The following PPP1R12A variants were observed in gnomAD, a reference collection of about 807,000 sequenced individuals.
PPP1R12A encodes protein phosphatase 1 regulatory subunit 12A.
A neutral mutation model predicts 139.6 loss-of-function variants in PPP1R12A; 19 were observed. That is an observed-to-expected ratio of 0.14 (90% CI 0.09 to 0.20). The LOEUF (loss-of-function observed/expected upper bound fraction) is 0.20, where lower values mean the gene tolerates loss of function less well. Among genes scored for constraint, PPP1R12A ranks in the 10% least tolerant of loss-of-function variants. PPP1R12A has a pLI of 1.00. For missense variants in PPP1R12A, 925 were observed against 1,211.5 expected, an observed-to-expected ratio of 0.76 and a Z score of 3.51; for synonymous variants, 427 against 420.6, an observed-to-expected ratio of 1.02 and a Z score of -0.19.
At chr12:79,793,311 G>A (rs1463056595) in intron 19 of PPP1R12A, among the ~76,000 whole-genome samples, 1 of 151,894 alleles carries the variant, frequency 6.6e-6, no homozygotes, top group Non-Finnish European at 1.5e-5. Flanking sequence ...GTACTGAGAG[G>A]AAAAAAATGT....
intron 2 of PPP1R12A, among the ~76,000 whole-genome samples, chr12:79,866,521 C>T (rs1434028006): frequency 6.6e-6 from 1 of 152,170 alleles, no homozygotes; most frequent in Non-Finnish European, 1.5e-5. Context: ...AAACTATCAT[C>T]AGAGTAAACA....
At chr12:79,789,609 G>C (rs964596833) in intron 20 of PPP1R12A, 3 of 444,774 alleles carry the variant, frequency 6.7e-6, no homozygotes, top group Non-Finnish European at 4.5e-6. Context: ...TTTTCTGAAA[G>C]ATGCCATTGG....
chr12:79,817,031 A>G (rs1875485452), intron 9 of PPP1R12A, among the ~76,000 whole-genome samples: 1 of 152,142 alleles, frequency 6.6e-6, no homozygotes, highest in Non-Finnish European at 1.5e-5. Context: ...CTTAATAGAG[A>G]TAAAGGATAT....
chr12:79,924,328 T>C (rs918226078), intron 1 of PPP1R12A, among the ~76,000 whole-genome samples: 1 of 152,236 alleles, frequency 6.6e-6, no homozygotes, highest in Non-Finnish European at 1.5e-5. Flanking sequence ...ATATGTCATC[T>C]GTCCAAACCT....
intron 1 of PPP1R12A, among the ~76,000 whole-genome samples, chr12:79,894,871 G>A (rs529097635): frequency 6.6e-6 from 1 of 152,262 alleles, no homozygotes; most frequent in South Asian, 2.1e-4. Context: ...TTAGCAGGTT[G>A]TCCGCCTTTC....
intron 2 of PPP1R12A, among the ~76,000 whole-genome samples, chr12:79,863,414 G>A (rs1434303951): frequency 6.6e-6 from 1 of 151,998 alleles, no homozygotes; most frequent in Non-Finnish European, 1.5e-5. Context: ...ATCAATTAAT[G>A]GGCAAAATAA....
In PPP1R12A at chr12:79,779,390, C is replaced by T. The variant is rs1161001936; in HGVS notation, c.2956-790G>A. 5 of 1,262,672 alleles carry T rather than the reference C, an allele frequency of 4.0e-6. No homozygotes were observed. The African/African-American group carries it at 6.1e-5, about 16-fold the overall frequency. The allele number at this position is 1,262,672 out of a possible 1,614,324, so 78.2% of individuals were successfully genotyped here. A position where few individuals can be genotyped will look rare whatever the true frequency, so the allele number is the denominator to read the frequency against. On this transcript the variant is annotated intron_variant, in intron 23 of 24. Transcript: ENST00000450142. ...ACCATTTAAATTTAGTTTAATCACA[C>T]TGAAACTATTTCCAAGACACTCTTT...
chr12:79,811,035 T>C lies in PPP1R12A; in HGVS notation c.1240-1025A>G, dbSNP rs961112786. On this transcript the variant is annotated intron_variant, in intron 9 of 24. Transcript: ENST00000450142. ...CTAAAAATGCAACCTCTGTTATCTT[T>C]AGATCACTTCATCAACTTCACTTCT... Among the ~76,000 whole-genome samples the C allele has an allele frequency of 3.9e-5, 6 of 152,330 alleles. No individual in the cohort carries two copies. In the East Asian group the frequency reaches 1.2e-3, roughly 29 times the overall value.
chr12:79,791,462 G>C (rs1358499195), intron 19 of PPP1R12A, among the ~76,000 whole-genome samples: 1 of 152,110 alleles, frequency 6.6e-6, no homozygotes, highest in Admixed American at 6.5e-5. Flanking sequence ...AGTTAGCTGG[G>C]ACTACAGGCA....
chr12:79,801,022 T>C (rs1487841610), intron 14 of PPP1R12A, among the ~76,000 whole-genome samples: 7 of 151,086 alleles, frequency 4.6e-5, no homozygotes, highest in South Asian at 4.3e-4. Context: ...CATGAGCCAC[T>C]GTGCCCAGCT....
chr12:79,920,439 T>A (rs1887349712), intron 1 of PPP1R12A, among the ~76,000 whole-genome samples: 1 of 152,194 alleles, frequency 6.6e-6, no homozygotes, highest in South Asian at 2.1e-4. Flanking sequence ...GCCAGACTGT[T>A]TTGAAAGTGG....
intron 2 of PPP1R12A, among the ~76,000 whole-genome samples, chr12:79,864,036 A>T (rs1881679927): frequency 6.6e-6 from 1 of 152,228 alleles, no homozygotes; most frequent in African/African-American, 2.4e-5. Context: ...CAGAATATAC[A>T]TTCTTCTCAG....
chr12:79,781,959 CA>C, intron 22 of PPP1R12A, 97 bp from the exon 23 acceptor site: 1 of 592,782 alleles, frequency 1.7e-6, no homozygotes, highest in Non-Finnish European at 2.9e-6. Context: ...TCACAATATT[CA>C]AGTGGAGTAA....
intron 22 of PPP1R12A, among the ~76,000 whole-genome samples, chr12:79,784,700 C>T (rs1428320562): frequency 1.3e-5 from 2 of 152,008 alleles, no homozygotes; most frequent in Admixed American, 6.6e-5. Flanking sequence ...TGCAGTGGCA[C>T]GATCTTGGCT....
chr12:79,925,551 A>G (rs982853531), intron 1 of PPP1R12A, among the ~76,000 whole-genome samples: 4 of 152,366 alleles, frequency 2.6e-5, no homozygotes, highest in South Asian at 2.1e-4. Context: ...AATATACATA[A>G]CATTTAAATA....
rs10583469 is a variant in PPP1R12A at position 79,910,470 on chromosome 12, C to CAAAT, written c.237+24221_237+24224dup. On this transcript the variant is annotated intron_variant, in intron 1 of 24. Transcript: ENST00000450142. ...CCTGGGCAACAGAGCACGACTCCGT[C>CAAAT]AAATAAATAAATAAATAAATAAATA... Among the ~76,000 whole-genome samples, 18 of 149,088 alleles carry CAAAT rather than the reference C, an allele frequency of 1.2e-4. No homozygotes were observed. In the South Asian group the frequency reaches 1.5e-3, roughly 12 times the overall value.
intron 1 of PPP1R12A, among the ~76,000 whole-genome samples, chr12:79,909,205 G>C (rs959708068): frequency 6.6e-6 from 1 of 152,076 alleles, no homozygotes; most frequent in Non-Finnish European, 1.5e-5. Context: ...TTTCTTCACA[G>C]GTCTAATGGA....
chr12:79,777,734 AT>A (rs1243568367), intron 24 of PPP1R12A: 14 of 774,262 alleles, frequency 1.8e-5, no homozygotes, highest in Non-Finnish European at 2.0e-5. Context: ...ATCACAGGTA[AT>A]TTTTTAAAAA....
At chr12:79,926,289 G>T (rs946844201) in intron 1 of PPP1R12A, among the ~76,000 whole-genome samples, 1 of 152,160 alleles carries the variant, frequency 6.6e-6, no homozygotes, top group South Asian at 2.1e-4. Flanking sequence ...GGGTTCAGGC[G>T]ATTCTCGTGC....
Sources: gnomAD v4.1 joint callset for allele counts (sites outside exome capture counted in the v4.1 genomes callset) on GRCh38, gnomAD v4.1.1 for gene constraint, MANE v1.5 for transcripts, NCBI Gene and HGNC (gene_info 2026-07-23, HGNC 2026-07-21) for gene names.